CFAP65: variants seen among roughly 807,000 people sequenced by gnomAD.
CFAP65 encodes cilia and flagella associated protein 65.
CFAP65 carries 155 observed loss-of-function variants against 208.0 expected under a neutral mutation model. The ratio of observed to expected loss-of-function variants is 0.75; its 90% CI spans 0.65 to 0.85. The LOEUF is 0.85. Among genes scored for constraint, CFAP65 ranks in the 40% least tolerant of loss-of-function variants. CFAP65 has a pLI of 0.00. For missense variants in CFAP65, 2,294 were observed against 2,451.3 expected, an observed-to-expected ratio of 0.94 and a Z score of 1.36; for synonymous variants, 970 against 986.3, an observed-to-expected ratio of 0.98 and a Z score of 0.31.
intron 29 of CFAP65, 115 bp downstream of exon 29, chr2:219,008,910 CAGTGAATGAAATGTAATCTCTT>C (rs1272831674): frequency 1.5e-6 from 1 of 667,968 alleles, no homozygotes; most frequent in Non-Finnish European, 2.7e-6. Flanking sequence ...AAGCTGAGTC[CAGTGAATGAAATGTAATCTCTT>C]AGGGCAGGCT....
intron 29 of CFAP65, 118 bp from the exon 30 acceptor site, chr2:219,006,627 A>G: frequency 1.1e-6 from 1 of 940,134 alleles, no homozygotes; most frequent in Non-Finnish European, 1.7e-6. Flanking sequence ...TGAGATCAGA[A>G]GTTTGAGACC....
intron 13 of CFAP65, chr2:219,026,436 A>G (rs972772564): frequency 1.8e-5 from 6 of 326,928 alleles, no homozygotes; most frequent in African/African-American, 1.3e-4. Context: ...TTCTGTAAGA[A>G]TGAGCCTAGA....
chr2:219,005,429 G>T lies in CFAP65; in HGVS notation c.5051+5C>A. The T allele has an allele frequency of 1.2e-6, 2 of 1,613,724 alleles. No individual in the cohort carries two copies. The highest frequency in any genetic ancestry group is 1.7e-6 in the Non-Finnish European group (2 of 1,179,932). On this transcript the variant is annotated splice_donor_5th_base_variant and intron_variant, in intron 32 of 34. Transcript: ENST00000341552. ...GCAATGAGGGCCCAGGGTGTGAGCT[G>T]GTACCTGATTATTGTGGTGAGAATG...
In CFAP65 at chr2:219,010,141, C is replaced by T. The variant is rs576980143; in HGVS notation, c.4309-56G>A. ...AGAACCGGCCAGGCATGGTGGCTCA[C>T]GCCTGTAATCCCAGCACTTTGGGAG... On this transcript the variant is annotated intron_variant, in intron 26 of 34. Transcript: ENST00000341552. 2,732 of 1,500,088 alleles carry T rather than the reference C, an allele frequency of 1.8e-3. 5 individuals carry two copies. The highest frequency in any genetic ancestry group is 2.1e-3 in the Non-Finnish European group (2,407 of 1,120,010). The allele number at this position is 1,500,088 out of a possible 1,614,324, so 92.9% of individuals were successfully genotyped here. A position where few individuals can be genotyped will look rare whatever the true frequency, so the allele number is the denominator to read the frequency against.
In CFAP65 at chr2:219,009,167, A is replaced by G; in HGVS notation, c.4567-13T>C. On this transcript the variant is annotated splice_polypyrimidine_tract_variant and intron_variant, in intron 28 of 34. Transcript: ENST00000341552. ...GCTGCGAGTACAGCTATGGCCCAGG[A>G]CAGAGAGAGAGAAGGCCAAGGTCTG... is the stretch of plus-strand genomic sequence containing the variant. 1 of 1,609,810 alleles carries G rather than the reference A, an allele frequency of 6.2e-7. No homozygotes were observed. Among genetic ancestry groups the G allele is most frequent in the Admixed American group, 1.7e-5 (1 of 59,964 alleles).
chr2:219,038,537 G>A lies in CFAP65; in HGVS notation c.195C>T (p.Asp65=). The change falls in exon 4 of 35, where the codon GAC becomes GAT. Residue 65 remains aspartate (D), a synonymous_variant. Transcript: ENST00000341552. ...AGCTTGGAGCCTGGGTGAGCATCAT[G>A]TCCTTGGGACACAGTCCAAAGGGAG... The part of the protein sequence containing the change: ...QSAPFGLCPK[D]MMLTQAPSSV... The A allele has an allele frequency of 2.5e-6, 4 of 1,614,144 alleles. No individual in the cohort carries two copies. The highest frequency in any genetic ancestry group is 3.4e-6 in the Non-Finnish European group (4 of 1,180,024).
chr2:219,026,353 C>CCATATAGCA (rs968680323), intron 13 of CFAP65, among the ~76,000 whole-genome samples, 194 bp from the exon 14 acceptor site: 2 of 152,172 alleles, frequency 1.3e-5, no homozygotes, highest in African/African-American at 4.8e-5. Flanking sequence ...GGCCCTGCAT[C>CCATATAGCA]CATATAGCAA....
rs372896467 is a variant in CFAP65 at position 219,031,478 on chromosome 2, C to G, written c.815+11G>C. On this transcript the variant is annotated intron_variant, in intron 7 of 34. Coordinates refer to ENST00000341552, the MANE Select transcript of CFAP65 (RefSeq NM_194302.4). The surrounding 1 kb of genome is among the most constrained non-coding windows in gnomAD (Gnocchi z 5.2). Reference sequence around the variant, plus strand: ...CTTGCTCTCCCCGCCGCACCTCAGCCTCTTCCTCACCCCACATTATCCAGG... The same window carrying G: ...CTTGCTCTCCCCGCCGCACCTCAGCGTCTTCCTCACCCCACATTATCCAGG... The G allele has an allele frequency of 6.2e-7, 1 of 1,614,208 alleles. No individual in the cohort carries two copies. The highest frequency in any genetic ancestry group is 2.2e-5 in the East Asian group (1 of 44,878).
In CFAP65 at chr2:219,038,878, C is replaced by T. The variant is rs199824148; in HGVS notation, c.153+18G>A. 33 of 1,594,698 alleles carry T rather than the reference C, an allele frequency of 2.1e-5. No homozygotes were observed. The highest frequency in any genetic ancestry group is 3.4e-5 in the Admixed American group (2 of 58,542). On this transcript the variant is annotated intron_variant, in intron 3 of 34. Transcript: ENST00000341552. Reference sequence around the variant, plus strand: ...GCTCAGCAAGCTCCAGTGGGTGTTACTGAAGTGTGTGCATTACCTTTATCT... The same window carrying T: ...GCTCAGCAAGCTCCAGTGGGTGTTATTGAAGTGTGTGCATTACCTTTATCT...
chr2:219,006,790 C>T (rs1255729428), intron 29 of CFAP65, among the ~76,000 whole-genome samples: 3 of 149,282 alleles, frequency 2.0e-5, no homozygotes, highest in African/African-American at 5.0e-5. Context: ...GCCAAGATGG[C>T]GCCACTGCAC....
Position 219,006,054 on chromosome 2 carries a change from A to C in CFAP65, c.4889T>G (p.Phe1630Cys). ...AAAGTGGCAGGGAAACTCTGAGAAG[A>C]AGTTAGCCAGAAAGTAGTCGGTGGC... Reference protein sequence around the residue: ...AHATDYFLANFFSEFPCHFLH... With the variant: ...AHATDYFLANCFSEFPCHFLH... The change falls in exon 31 of 35, where the codon TTC (phenylalanine) becomes TGC (cysteine). Residue 1630 changes from phenylalanine (F) to cysteine (C), a missense_variant. By Grantham distance (205) the Phe-to-Cys change is radical. This residue lies in a region of CFAP65 where 1,427 missense variants were observed against 1,438.7 expected (regional missense o/e 0.99). Transcript: ENST00000341552. 11 of 1,613,334 alleles carry C rather than the reference A, an allele frequency of 6.8e-6. No homozygotes were observed. Among genetic ancestry groups the C allele is most frequent in the Non-Finnish European group, 9.3e-6 (11 of 1,180,014 alleles).
chr2:219,038,597 G>A lies in CFAP65; in HGVS notation c.154-19C>T, dbSNP rs760330699. On this transcript the variant is annotated intron_variant, in intron 3 of 34. Coordinates refer to ENST00000341552, the MANE Select transcript of CFAP65 (RefSeq NM_194302.4). Reference sequence around the variant, plus strand: ...TATGGAGCTGGGAAGAGAGCAGAGGGGAGAGGAGACAGGAGTGACATGAGA... The same window carrying A: ...TATGGAGCTGGGAAGAGAGCAGAGGAGAGAGGAGACAGGAGTGACATGAGA... The A allele has an allele frequency of 6.2e-7, 1 of 1,601,872 alleles. No homozygotes were observed. The highest frequency in any genetic ancestry group is 8.5e-7 in the Non-Finnish European group (1 of 1,170,420).
rs773796232 is a variant in CFAP65 at position 219,010,956 on chromosome 2, T to A, written c.3998A>T (p.Tyr1333Phe). The change falls in exon 25 of 35, where the codon TAT becomes TTT. Residue 1333 changes from tyrosine (Y) to phenylalanine (F), a missense_variant. Around this residue, in one of 2 missense-constraint regions of CFAP65, gnomAD observed 1,427 missense variants for 1,438.7 expected, o/e 0.99. Coordinates refer to ENST00000341552, the MANE Select transcript of CFAP65 (RefSeq NM_194302.4). ...LYNGGSVPVTYEVQTDVLSQV... is the reference protein window; with the variant it reads ...LYNGGSVPVTFEVQTDVLSQV... ...TGACAGGACATCGGTCTGGACCTCA[T>A]ATGTCACGGGCACTGAGCCACCATT... is the stretch of plus-strand genomic sequence containing the variant. 1 of 1,613,668 alleles carries A rather than the reference T, an allele frequency of 6.2e-7. No individual in the cohort carries two copies. The highest frequency in any genetic ancestry group is 1.7e-4 in the Middle Eastern group (1 of 6,048).
intron 2 of CFAP65, among the ~76,000 whole-genome samples, chr2:219,040,256 T>C (rs1432972199): frequency 1.3e-5 from 2 of 152,222 alleles, no homozygotes; most frequent in African/African-American, 2.4e-5. Flanking sequence ...TATTTTAATG[T>C]GTTCAGATTT....
intron 4 of CFAP65, among the ~76,000 whole-genome samples, chr2:219,036,356 CT>C (rs1948360030): frequency 6.6e-6 from 1 of 152,168 alleles, no homozygotes. Context: ...GGAAACCCCC[CT>C]GGGGCAGTAA....
chr2:219,019,660 A>G lies in CFAP65; in HGVS notation c.3319T>C (p.Leu1107=). Residue 1107 remains leucine, a synonymous_variant, in exon 20 of 35, where the codon TTG becomes CTG. Coordinates refer to ENST00000341552, the MANE Select transcript of CFAP65 (RefSeq NM_194302.4). ...CCVSLVAVYP[L]LSILDVSSMG... is the part of the protein sequence containing the mutation. ...GAGCTGACATCCAGGATGGAAAGCA[A>G]GGGGTACACGGCCACCAGGGAGACG... 2 of 1,613,768 alleles carry G rather than the reference A, an allele frequency of 1.2e-6. No homozygotes were observed. The highest frequency in any genetic ancestry group is 1.7e-4 in the Middle Eastern group (1 of 6,056).
In CFAP65 at chr2:219,031,746, A is replaced by C; in HGVS notation, c.646-88T>G. On this transcript the variant is annotated intron_variant, in intron 6 of 34. Coordinates refer to ENST00000341552, the MANE Select transcript of CFAP65 (RefSeq NM_194302.4). The surrounding 1 kb of genome is among the most constrained non-coding windows in gnomAD (Gnocchi z 5.2). ...GCCCACCCTCAGCCACCCCCAACAC[A>C]ACCGCTGAGGGGAGGGCCAGGCCGT... The C allele has an allele frequency of 2.7e-6, 4 of 1,473,316 alleles. No individual in the cohort carries two copies. The highest frequency in any genetic ancestry group is 3.7e-6 in the Non-Finnish European group (4 of 1,090,628). 91.3% of individuals were successfully genotyped at this position (1,473,316 alleles called of 1,614,324 possible).
chr2:219,014,326 A>T, intron 21 of CFAP65: 1 of 285,514 alleles, frequency 3.5e-6, no homozygotes, highest in Admixed American at 4.8e-5. Flanking sequence ...TGTTGCTTGA[A>T]TATGGGGGCC....
At chr2:219,039,094 C>CAG (rs776689186) in intron 2 of CFAP65, 44 bp from the exon 3 acceptor site, 1 of 1,507,036 alleles carries the variant, frequency 6.6e-7, no homozygotes, top group Admixed American at 2.0e-5. Flanking sequence ...ATCTCCAGAG[C>CAG]AGAGGGATCC....
Sources: allele counts gnomAD v4.1 joint callset (sites outside exome capture counted in the v4.1 genomes callset), GRCh38; gene constraint gnomAD v4.1.1; regional missense constraint gnomAD v4.1.1; non-coding constraint Gnocchi (gnomAD v3.1); transcripts MANE v1.5; gene names NCBI Gene and HGNC (gene_info 2026-07-23, HGNC 2026-07-21).